Variants in EXOC3L4 observed in about 807,000 individuals in gnomAD.
EXOC3L4 encodes exocyst complex component 3 like 4.
Under a neutral mutation model 69.7 loss-of-function variants are expected in EXOC3L4, and 62 were observed. The ratio of observed to expected loss-of-function variants is 0.89; its 90% CI spans 0.72 to 1.10. The LOEUF (loss-of-function observed/expected upper bound fraction) is 1.10, where lower values mean the gene tolerates loss of function less well. Among genes scored for constraint, EXOC3L4 ranks in the 50% least tolerant of loss-of-function variants. EXOC3L4 has a pLI of 0.00. For missense variants in EXOC3L4, 1,087 were observed against 1,034.8 expected (o/e 1.05, Z -0.69); for synonymous variants, 502 against 464.2 (o/e 1.08, Z -1.05).
Position 103,100,186 on chromosome 14 carries a change from A to G in EXOC3L4, c.-16-18A>G. 1 of 1,533,732 alleles carries G rather than the reference A, an allele frequency of 6.5e-7. No homozygotes were observed. Among genetic ancestry groups the G allele is most frequent in the Non-Finnish European group, 8.8e-7 (1 of 1,135,716 alleles). The stretch of plus-strand genomic sequence containing the variant: ...GGTTTCTGCATCTGCTCCTATGGCC[A>G]CTCCTTCTTGCCCCCAGCTCTCCTG... On this transcript the variant is annotated intron_variant, in intron 1 of 11. Coordinates refer to ENST00000688303, the MANE Select transcript of EXOC3L4 (RefSeq NM_001077594.2).
In EXOC3L4 at chr14:103,104,374, C is replaced by A; in HGVS notation, c.1269C>A (p.Ser423=). Residue 423 remains serine, a synonymous_variant, in exon 5 of 12, where the codon TCC becomes TCA. Transcript: ENST00000688303. ...VLQGLYQAPL[S]MDVHMLVAEH... is the part of the protein sequence containing the mutation. The stretch of plus-strand genomic sequence containing the variant: ...AGGGCCTCTACCAGGCGCCGCTGTC[C>A]ATGGACGTCCATATGGTGCGGCCCG... 1.3e-6 allele frequency: 2 copies of A among 1,581,890 alleles called. No homozygotes were observed. Among genetic ancestry groups the A allele is most frequent in the African/African-American group, 1.4e-5 (1 of 73,474 alleles).
chr14:103,103,717 C>T (rs1486758264), intron 3 of EXOC3L4: 3 of 526,738 alleles, frequency 5.7e-6, no homozygotes, highest in Non-Finnish European at 1.0e-5. Context: ...CGTCCTTCAG[C>T]GTTCTGCAGG....
Position 103,110,200 on chromosome 14 carries a change from G to C in EXOC3L4, c.2146G>C (p.Ala716Pro). 6.6e-7 allele frequency: 1 copy of C among 1,514,722 alleles called. No homozygotes were observed. The highest frequency in any genetic ancestry group is 8.9e-7 in the Non-Finnish European group (1 of 1,129,446). 93.8% of individuals were successfully genotyped at this position (1,514,722 alleles called of 1,614,324 possible). A position where few individuals can be genotyped will look rare whatever the true frequency, so the allele number is the denominator to read the frequency against. Residue 716 changes from alanine (A) to proline (P), a missense_variant, in exon 12 of 12, where the codon GCT (alanine) becomes CCT (proline). Coordinates refer to ENST00000688303, the MANE Select transcript of EXOC3L4 (RefSeq NM_001077594.2). ...GGAGATCAAGGTGCCCAGTGCCATGGCTGTGCTGATCACCTGCGTCTAGTT... is the reference window on the plus strand; with the variant it reads ...GGAGATCAAGGTGCCCAGTGCCATGCCTGTGCTGATCACCTGCGTCTAGTT... Reference protein sequence around the residue: ...FEEIKVPSAMAVLITCV With the variant: ...FEEIKVPSAMPVLITCV
rs750988533 is a variant in EXOC3L4, at chr14:103,104,298, T to A, written c.1193T>A (p.Leu398Ter). 13 of 1,596,372 alleles carry A rather than the reference T, an allele frequency of 8.1e-6. No individual in the cohort carries two copies. The highest frequency in any genetic ancestry group is 1.1e-5 in the Non-Finnish European group (13 of 1,173,360). Reference protein sequence around the residue: ...AKIASCFDSILQLEQSHWAAA... With the variant: ...AKIASCFDSI ...ATCGCAAGCTGCTTCGACAGCATCT[T>A]GCAGCTGGAGCAGAGTCACTGGGCG... The change falls in exon 5 of 12, where the codon TTG becomes TAG. Residue 398 changes from leucine to a stop codon, truncating the protein, a stop_gained. Transcript: ENST00000688303. LOFTEE classifies it high-confidence loss of function.
chr14:103,096,749 A>C (rs369516067), intron 1 of EXOC3L4, among the ~76,000 whole-genome samples: 1 of 151,336 alleles, frequency 6.6e-6, no homozygotes, highest in African/African-American at 2.5e-5. Flanking sequence ...CCCCCTCTCA[A>C]CAGGAAAACC....
At chr14:103,095,967 G>A (rs1156929548) in intron 1 of EXOC3L4, among the ~76,000 whole-genome samples, 1 of 152,052 alleles carries the variant, frequency 6.6e-6, no homozygotes, top group South Asian at 2.1e-4. Flanking sequence ...AAATGTTGAG[G>A]AGTAAGAATG....
chr14:103,107,033 G>A lies in EXOC3L4; in HGVS notation c.1581+134G>A, dbSNP rs913969515. The stretch of plus-strand genomic sequence containing the variant: ...CATGGGTGTGTGTGTAGGGTAGTGG[G>A]CAGGGGACCCAGGTGAGGTCCCAGC... On this transcript the variant is annotated intron_variant, in intron 8 of 11. Coordinates refer to ENST00000688303, the MANE Select transcript of EXOC3L4 (RefSeq NM_001077594.2). The A allele has an allele frequency of 1.0e-5, 8 of 786,818 alleles. No homozygotes were observed. In the Admixed American group the frequency reaches 1.8e-4, roughly 18 times the overall value. The allele number at this position is 786,818 out of a possible 1,614,324, so 48.7% of individuals were successfully genotyped here. A position where few individuals can be genotyped will look rare whatever the true frequency, so the allele number is the denominator to read the frequency against.
Position 103,107,380 on chromosome 14 carries a change from G to A in EXOC3L4, c.1582-44G>A, listed in dbSNP as rs748630355. 1.3e-5 allele frequency: 20 copies of A among 1,592,724 alleles called. No individual in the cohort carries two copies. The Middle Eastern group carries it at 6.6e-4, about 53-fold the overall frequency. The stretch of plus-strand genomic sequence containing the variant: ...GGCTTCGAGGGAGGGGTTACGTTGC[G>A]GGCGTAGTGCACATTTGCAGACTCC... On this transcript the variant is annotated intron_variant, in intron 8 of 11. Coordinates refer to ENST00000688303, the MANE Select transcript of EXOC3L4 (RefSeq NM_001077594.2).
chr14:103,103,793 C>CGGGTGT, intron 3 of EXOC3L4, 148 bp from the exon 4 acceptor site: 1 of 452,702 alleles, frequency 2.2e-6, no homozygotes, highest in South Asian at 3.1e-5. Flanking sequence ...TAGAGGCGCG[C>CGGGTGT]GCGCGTGTGT....
At chr14:103,100,040 G>A in intron 1 of EXOC3L4, 164 bp from the exon 2 acceptor site, 2 of 707,920 alleles carry the variant, frequency 2.8e-6, no homozygotes, top group East Asian at 5.6e-5. Flanking sequence ...GGCACACTGA[G>A]GGCTCTCGCC....
intron 7 of EXOC3L4, 77 bp downstream of exon 7, chr14:103,105,149 G>C: frequency 6.8e-7 from 1 of 1,461,732 alleles, no homozygotes; most frequent in Non-Finnish European, 9.3e-7. Context: ...TGGATGGAGG[G>C]GAGTGCGCGC....
Position 103,106,770 on chromosome 14 carries a change from C to T in EXOC3L4, c.1467-15C>T. 1.3e-6 allele frequency: 2 copies of T among 1,540,396 alleles called. No individual in the cohort carries two copies. The highest frequency in any genetic ancestry group is 2.4e-5 in the East Asian group (1 of 42,520). ...TCCCTTGCCCACCTCATCGCTGGTC[C>T]TGGCCCCTCCCCAGGACCAGTCTTC... On this transcript the variant is annotated splice_polypyrimidine_tract_variant and intron_variant, in intron 7 of 11. Transcript: ENST00000688303.
In EXOC3L4 at chr14:103,097,084, G is replaced by C. The variant is rs11628185; in HGVS notation, c.-17+2244G>C. ...GATTGGGAGGATGAGGAGCAGCTAC[G>C]GGAGGGAAGGTCTAGGGGAAAGCGG... On this transcript the variant is annotated intron_variant, in intron 1 of 11. Transcript: ENST00000688303. The surrounding 1 kb of genome is among the most constrained non-coding windows in gnomAD (Gnocchi z 4.9). Among the ~76,000 whole-genome samples, 1 of 150,096 alleles carries C rather than the reference G, an allele frequency of 6.7e-6. No individual in the cohort carries two copies. The highest frequency in any genetic ancestry group is 2.5e-5 in the African/African-American group (1 of 40,706).
Position 103,104,067 on chromosome 14 carries a change from G to T in EXOC3L4, c.1161+15G>T. On this transcript the variant is annotated intron_variant, in intron 4 of 11. Coordinates refer to ENST00000688303, the MANE Select transcript of EXOC3L4 (RefSeq NM_001077594.2). ...GCTTCCTGGAGGTCAGGCCGGGCGG[G>T]TCAGGCTGGGCGGGCCAGGCTGGAG... 6.5e-7 allele frequency: 1 copy of T among 1,541,262 alleles called. No individual in the cohort carries two copies.
Position 103,100,920 on chromosome 14 carries a change from TGACAC to T in EXOC3L4, c.394+308_394+312del, listed in dbSNP as rs1192978364. Among the ~76,000 whole-genome samples, 36 of 150,152 alleles carry T rather than the reference TGACAC, an allele frequency of 2.4e-4. No individual in the cohort carries two copies. In the South Asian group the frequency reaches 7.2e-3, roughly 30 times the overall value. On this transcript the variant is annotated intron_variant, in intron 2 of 11. Coordinates refer to ENST00000688303, the MANE Select transcript of EXOC3L4 (RefSeq NM_001077594.2). ...CCGGCTAATTTTTTTTTTTTTTTTTTGACACTGACTCTCACTCTATCACCCAGGCT... is the reference window on the plus strand; with the variant it reads ...CCGGCTAATTTTTTTTTTTTTTTTTTTGACTCTCACTCTATCACCCAGGCT...
At chr14:103,094,457 T>C (rs1209727383), upstream of EXOC3L4, among the ~76,000 whole-genome samples, 2 of 151,930 alleles carry the variant, frequency 1.3e-5, no homozygotes, top group African/African-American at 4.8e-5. Flanking sequence ...AGGTTGGTGG[T>C]GTTTTGGGTG....
intron 6 of EXOC3L4, 63 bp from the exon 7 acceptor site, chr14:103,104,929 G>A (rs959000508): frequency 1.6e-5 from 26 of 1,576,762 alleles, no homozygotes; most frequent in Non-Finnish European, 2.3e-5. Flanking sequence ...GATTGGGAGG[G>A]TGGACCCAGG....
At position 103,097,507 on chromosome 14, in the gene EXOC3L4, A is replaced by G. The variant is rs1889948056; in HGVS notation, c.-17+2667A>G. ...GAGTTGAGAGGGGCCTTCAGGTCTC[A>G]GCCCCGCAGGCGCCAGCATGGCAGC... On this transcript the variant is annotated intron_variant, in intron 1 of 11. Coordinates refer to ENST00000688303, the MANE Select transcript of EXOC3L4 (RefSeq NM_001077594.2). The surrounding 1 kb of genome is among the most constrained non-coding windows in gnomAD (Gnocchi z 4.9). Among the ~76,000 whole-genome samples the G allele has an allele frequency of 6.6e-6, 1 of 152,118 alleles. No individual in the cohort carries two copies. The highest frequency in any genetic ancestry group is 1.5e-5 in the Non-Finnish European group (1 of 68,000).
chr14:103,104,069 C>T lies in EXOC3L4; in HGVS notation c.1161+17C>T. On this transcript the variant is annotated intron_variant, in intron 4 of 11. Coordinates refer to ENST00000688303, the MANE Select transcript of EXOC3L4 (RefSeq NM_001077594.2). The stretch of plus-strand genomic sequence containing the variant: ...TTCCTGGAGGTCAGGCCGGGCGGGT[C>T]AGGCTGGGCGGGCCAGGCTGGAGGG... 1.3e-6 allele frequency: 2 copies of T among 1,538,940 alleles called. No individual in the cohort carries two copies. Among genetic ancestry groups the T allele is most frequent in the South Asian group, 1.2e-5 (1 of 83,488 alleles).
Sources: allele counts gnomAD v4.1 joint callset (sites outside exome capture counted in the v4.1 genomes callset), GRCh38; gene constraint gnomAD v4.1.1; non-coding constraint Gnocchi (gnomAD v3.1); transcripts MANE v1.5; gene names NCBI Gene and HGNC (gene_info 2026-07-23, HGNC 2026-07-21).